Variants in DPP4 observed in about 807,000 individuals in gnomAD.
DPP4 encodes dipeptidyl peptidase 4, also known as ADCP-2.
A neutral mutation model predicts 122.4 loss-of-function variants in DPP4; 93 were observed. The observed-to-expected ratio is 0.76, with a 90% confidence interval of 0.64 to 0.90. The LOEUF is 0.90. DPP4 is among the 40% of genes least tolerant of loss of function. DPP4 has a pLI of 0.00. For missense variants in DPP4, 914 were observed against 907.3 expected (o/e 1.01, Z -0.09); for synonymous variants, 321 against 302.9 (o/e 1.06, Z -0.62).
intron 17 of DPP4, 104 bp downstream of exon 17, chr2:162,017,004 G>T: frequency 6.9e-7 from 1 of 1,442,188 alleles, no homozygotes; most frequent in Non-Finnish European, 9.5e-7. Context: ...TCAACTCATT[G>T]TCAAGACACA....
At chr2:162,044,942 T>G (rs1684121714) in intron 5 of DPP4, among the ~76,000 whole-genome samples, 2 of 151,676 alleles carry the variant, frequency 1.3e-5, no homozygotes, top group South Asian at 4.2e-4. Context: ...TAACTCTTCC[T>G]TTTCTTTTTC....
rs1576027558 is a variant in DPP4, at chr2:161,993,199, T to G, written c.*84A>C. The G allele has an allele frequency of 9.4e-7, 1 of 1,066,892 alleles. No homozygotes were observed. The highest frequency in any genetic ancestry group is 2.4e-5 in the East Asian group (1 of 41,908). 66.1% of individuals were successfully genotyped at this position (1,066,892 alleles called of 1,614,324 possible). On this transcript the variant is annotated 3_prime_UTR_variant, in exon 26 of 26. Transcript: ENST00000360534. ...ATTTGAGTGTGTATTTTAAAGATCA[T>G]CATCATCTTGACAGTGCAGTTTTGA...
chr2:162,049,928 C>T (rs942213593), intron 2 of DPP4, among the ~76,000 whole-genome samples: 4 of 152,060 alleles, frequency 2.6e-5, no homozygotes, highest in Non-Finnish European at 5.9e-5. Flanking sequence ...TTAAAGAGAG[C>T]TTTAAAAAAA....
intron 23 of DPP4, among the ~76,000 whole-genome samples, chr2:162,002,543 A>G (rs1361084775): frequency 6.6e-6 from 1 of 152,178 alleles, no homozygotes; most frequent in East Asian, 1.9e-4. Flanking sequence ...ACTAAACGTG[A>G]ACCGCTTTAA....
At chr2:162,019,313 G>A in intron 14 of DPP4, 37 bp from the exon 15 acceptor site, 1 of 1,393,030 alleles carries the variant, frequency 7.2e-7, no homozygotes, top group South Asian at 1.3e-5. Flanking sequence ...TATTAATTAT[G>A]TTTTTTAAGA....
At chr2:162,018,016 C>T (rs143279125) in intron 16 of DPP4, among the ~76,000 whole-genome samples, 2 of 151,456 alleles carry the variant, frequency 1.3e-5, no homozygotes, top group East Asian at 1.9e-4. Flanking sequence ...TAGAATAAAG[C>T]GCATGCCCAA....
intron 21 of DPP4, 44 bp from the exon 22 acceptor site, chr2:162,008,705 G>A: frequency 6.5e-7 from 1 of 1,531,522 alleles, no homozygotes; most frequent in Non-Finnish European, 9.0e-7. Flanking sequence ...AAAAGAATAA[G>A]GACATATGGT....
At chr2:162,024,737 T>C in intron 11 of DPP4, 67 bp downstream of exon 11, 1 of 1,559,196 alleles carries the variant, frequency 6.4e-7, no homozygotes, top group Non-Finnish European at 8.7e-7. Flanking sequence ...GCCTTCACTC[T>C]CCCCAACTGC....
rs199791471 is a variant in DPP4 at position 162,009,229 on chromosome 2, T to G, written c.1887+12A>C. ...TAACGAATGCATACAGATTCATCAG[T>G]CAACTACTCACCCAGCCCCAAATTG... is the stretch of plus-strand genomic sequence containing the variant. On this transcript the variant is annotated intron_variant, in intron 21 of 25. Coordinates refer to ENST00000360534, the MANE Select transcript of DPP4 (RefSeq NM_001935.4). 1 of 1,613,440 alleles carries G rather than the reference T, an allele frequency of 6.2e-7. No individual in the cohort carries two copies. The highest frequency in any genetic ancestry group is 2.2e-5 in the East Asian group (1 of 44,858).
intron 10 of DPP4, among the ~76,000 whole-genome samples, chr2:162,030,926 G>A (rs1403647835): frequency 3.3e-5 from 5 of 152,152 alleles, no homozygotes; most frequent in African/African-American, 1.2e-4. Context: ...ATTCACATAA[G>A]GCCAAAAATC....
At chr2:162,046,586 A>G in intron 4 of DPP4, 3 of 427,490 alleles carry the variant, frequency 7.0e-6, no homozygotes, top group Non-Finnish European at 1.4e-5. Flanking sequence ...TGTGTATACG[A>G]GAGTCAAGCC....
intron 16 of DPP4, among the ~76,000 whole-genome samples, 179 bp downstream of exon 16, chr2:162,018,550 G>A (rs992533065): frequency 2.6e-5 from 4 of 152,218 alleles, no homozygotes; most frequent in African/African-American, 9.6e-5. Context: ...GGCAAGCTAT[G>A]CAAGTCTCTC....
Position 162,005,762 on chromosome 2 carries a change from T to G in DPP4, c.2035A>C (p.Asn679His). Residue 679 changes from asparagine (N) to histidine (H), a missense_variant, in exon 23 of 26, where the codon AAC becomes CAC. By Grantham distance (68) the Asn-to-His change is moderately conservative. Coordinates refer to ENST00000360534, the MANE Select transcript of DPP4 (RefSeq NM_001935.4). ...RYMGLPTPEDNLDHYRNSTVM... is the reference protein window; with the variant it reads ...RYMGLPTPEDHLDHYRNSTVM... ...TCTCTTACTCTGTAATGGTCAAGGT[T>G]GTCTTCTGGAGTTGGGAGACCCATG... 6.2e-7 allele frequency: 1 copy of G among 1,613,158 alleles called. No individual in the cohort carries two copies. The highest frequency in any genetic ancestry group is 8.5e-7 in the Non-Finnish European group (1 of 1,179,520).
intron 2 of DPP4, among the ~76,000 whole-genome samples, chr2:162,051,541 A>G (rs935429945): frequency 6.6e-6 from 1 of 152,268 alleles, no homozygotes; most frequent in Non-Finnish European, 1.5e-5. Flanking sequence ...AAAAACAGGC[A>G]AAAGAGTTAT....
At chr2:161,995,475 T>C in intron 23 of DPP4, 103 bp from the exon 24 acceptor site, 1 of 1,017,426 alleles carries the variant, frequency 9.8e-7, no homozygotes, top group South Asian at 1.3e-5. Flanking sequence ...GGGGCCCCCT[T>C]TGATACAAAA....
intron 15 of DPP4, 66 bp from the exon 16 acceptor site, chr2:162,018,916 A>G: frequency 6.3e-7 from 1 of 1,589,130 alleles, no homozygotes; most frequent in South Asian, 1.2e-5. Flanking sequence ...GAACTGAATA[A>G]AGCCATATTC....
chr2:162,020,204 T>G (rs747065389), intron 14 of DPP4, 25 bp downstream of exon 14: 5 of 1,590,234 alleles, frequency 3.1e-6, no homozygotes, highest in Non-Finnish European at 4.3e-6. Context: ...TAGGTTTATA[T>G]CCTATCAATT....
chr2:162,022,251 C>T (rs1683159263), intron 12 of DPP4, among the ~76,000 whole-genome samples: 1 of 152,208 alleles, frequency 6.6e-6, no homozygotes, highest in Admixed American at 6.5e-5. Context: ...TAAAGCTCTG[C>T]ATCTGGACGC....
intron 5 of DPP4, among the ~76,000 whole-genome samples, chr2:162,041,680 A>C (rs1683991883): frequency 6.6e-6 from 1 of 152,290 alleles, no homozygotes; most frequent in African/African-American, 2.4e-5. Flanking sequence ...TACCAGCTAA[A>C]ACTATTAAGA....
Sources: gnomAD v4.1 joint callset for allele counts (sites outside exome capture counted in the v4.1 genomes callset) on GRCh38, gnomAD v4.1.1 for gene constraint, MANE v1.5 for transcripts, NCBI Gene and HGNC (gene_info 2026-07-23, HGNC 2026-07-21) for gene names.